The following ANKRD11 variants were observed in gnomAD, a reference collection of about 807,000 sequenced individuals.
ANKRD11 encodes the protein ankyrin repeat domain-containing protein 11.
ANKRD11 carries 17 observed loss-of-function variants against 195.7 expected under a neutral mutation model. The observed-to-expected ratio is 0.09, with a 90% CI of 0.06 to 0.13. ANKRD11 has a LOEUF of 0.13. ANKRD11 is among the 10% of genes least tolerant of loss of function. ANKRD11 has a pLI of 1.00. For synonymous variants in ANKRD11, 1,953 were observed against 1,528.1 expected (o/e 1.28, Z -6.49); for missense variants, 3,735 against 3,566.1 (o/e 1.05, Z -1.21).
At chr16:89,462,152 G>A (rs2056699774) in intron 1 of ANKRD11, among the ~76,000 whole-genome samples, 1 of 150,126 alleles carries the variant, frequency 6.7e-6, no homozygotes. Context: ...CTGTACTGCT[G>A]CCATCTCGGC....
At position 89,408,953 on chromosome 16, in the gene ANKRD11, C is replaced by T. The variant is rs528554726; in HGVS notation, c.-60+9331G>A. On this transcript the variant is annotated intron_variant, in intron 2 of 12. Transcript: ENST00000301030. ...CAAGTGAACAGGCCGCTGTGGAGTG[C>T]GGTTTCTAAAAGTAGGAGGAATACA... 8.5e-5 allele frequency among the ~76,000 whole-genome samples: 13 copies of T among 152,300 alleles called. No homozygotes were observed. The South Asian group carries it at 2.1e-3, about 24-fold the overall frequency.
At chr16:89,385,450 C>A (rs547632148) in intron 2 of ANKRD11, among the ~76,000 whole-genome samples, 2 of 152,214 alleles carry the variant, frequency 1.3e-5, no homozygotes, top group Admixed American at 1.3e-4. Flanking sequence ...TTTTCTATGG[C>A]AGAGCAGACT....
At chr16:89,310,079 C>T (rs567736653) in intron 3 of ANKRD11, among the ~76,000 whole-genome samples, 1 of 152,354 alleles carries the variant, frequency 6.6e-6, no homozygotes, top group African/African-American at 2.4e-5. Context: ...TTGACACCCT[C>T]CCCCTGGAGC....
intron 1 of ANKRD11, among the ~76,000 whole-genome samples, chr16:89,428,219 T>C (rs911649429): frequency 6.6e-5 from 10 of 151,044 alleles, no homozygotes; most frequent in African/African-American, 1.5e-4. Context: ...AAAAAATAGA[T>C]TAATTAATTA....
rs146717209 is a variant in ANKRD11 at position 89,454,285 on chromosome 16, CAG to C, written c.-144-35919_-144-35918del. Among the ~76,000 whole-genome samples, 289 of 152,244 alleles carry C rather than the reference CAG, an allele frequency of 1.9e-3. 1 individual carries two copies. Among genetic ancestry groups the C allele is most frequent in the African/African-American group, 6.4e-3 (267 of 41,534 alleles). ...AACTTCTGCAGGCTTGCCTGGGACA[CAG>C]GGGCAGATAAGGAGAGCACCTGAGG... On this transcript the variant is annotated intron_variant, in intron 1 of 12. Transcript: ENST00000301030.
At chr16:89,350,256 T>C (rs1055510503) in intron 2 of ANKRD11, among the ~76,000 whole-genome samples, 16 of 152,154 alleles carry the variant, frequency 1.1e-4, no homozygotes, top group African/African-American at 3.9e-4. Flanking sequence ...GTGGTCACTT[T>C]GGAAAAGAGT....
intron 9 of ANKRD11, chr16:89,278,753 G>A (rs1567550926): frequency 5.4e-6 from 3 of 553,608 alleles, no homozygotes; most frequent in South Asian, 3.1e-5. Context: ...GACGGGGAGT[G>A]GAGAGGGGAG....
chr16:89,469,834 G>GAGC (rs201911062), intron 1 of ANKRD11, among the ~76,000 whole-genome samples: 3 of 150,534 alleles, frequency 2.0e-5, no homozygotes, highest in Non-Finnish European at 3.0e-5. Context: ...GGGAGCGGCA[G>GAGC]TTGCAGGGAG....
chr16:89,439,049 A>C (rs1217826400), intron 1 of ANKRD11, among the ~76,000 whole-genome samples: 1 of 151,650 alleles, frequency 6.6e-6, no homozygotes, highest in Non-Finnish European at 1.5e-5. Flanking sequence ...AAAAAAAACA[A>C]AACCAAAAAA....
chr16:89,276,507 G>A (rs1001180587), intron 9 of ANKRD11, among the ~76,000 whole-genome samples: 3 of 152,184 alleles, frequency 2.0e-5, no homozygotes, highest in Non-Finnish European at 4.4e-5. Context: ...CCCGCCTCAC[G>A]CCTATAGGCT....
chr16:89,311,084 A>T (rs1326061437), intron 3 of ANKRD11, among the ~76,000 whole-genome samples: 1 of 152,214 alleles, frequency 6.6e-6, no homozygotes, highest in Non-Finnish European at 1.5e-5. Flanking sequence ...TAGTTTGCAG[A>T]ATTTTTTTTA....
At chr16:89,312,786 C>T (rs562771461) in intron 3 of ANKRD11, among the ~76,000 whole-genome samples, 17 of 152,292 alleles carry the variant, frequency 1.1e-4, no homozygotes, top group East Asian at 7.7e-4. Context: ...CAGACTGGCT[C>T]GTGAAACCAC....
chr16:89,300,897 G>C, intron 4 of ANKRD11: 2 of 701,954 alleles, frequency 2.8e-6, no homozygotes, highest in Middle Eastern at 2.3e-4. Context: ...AGGCAGCTTC[G>C]GCCCATGGCG....
intron 11 of ANKRD11, chr16:89,271,963 A>G (rs1348147779): frequency 6.6e-6 from 1 of 152,200 alleles, no homozygotes; most frequent in Non-Finnish European, 1.5e-5. Flanking sequence ...AGACACGCAC[A>G]GAATGGGAGG....
chr16:89,402,487 C>T (rs1011931410), intron 2 of ANKRD11, among the ~76,000 whole-genome samples: 1 of 151,954 alleles, frequency 6.6e-6, no homozygotes, highest in African/African-American at 2.4e-5. Flanking sequence ...CAAGAGCATC[C>T]TGGGAATGAC....
At position 89,431,047 on chromosome 16, in the gene ANKRD11, T is replaced by C. The variant is rs148421864; in HGVS notation, c.-144-12679A>G. ...CAAGGCGCTGCTGACTCAACCCTGCTTCCAGAAGCCTAGGGTTAACATCTG... is the reference window on the plus strand; with the variant it reads ...CAAGGCGCTGCTGACTCAACCCTGCCTCCAGAAGCCTAGGGTTAACATCTG... On this transcript the variant is annotated intron_variant, in intron 1 of 12. Coordinates refer to ENST00000301030, the MANE Select transcript of ANKRD11 (RefSeq NM_013275.6). Among the ~76,000 whole-genome samples the C allele has an allele frequency of 4.6e-3, 698 of 152,230 alleles. 6 individuals are homozygous for C. The highest frequency in any genetic ancestry group is 0.016 in the African/African-American group (644 of 41,532).
rs1350510474 is a variant in ANKRD11, at chr16:89,275,158, T to C, written c.7504A>G (p.Lys2502Glu). ...APPPSLAEPL[K>E]ELFRQQEAVR... is the part of the protein sequence containing the mutation. Reference sequence around the variant, plus strand: ...GCCTCCTGCTGCCTGAACAGCTCCTTCAGGGGCTCCGCCAGGGAGGGAGGG... The same window carrying C: ...GCCTCCTGCTGCCTGAACAGCTCCTCCAGGGGCTCCGCCAGGGAGGGAGGG... Residue 2502 changes from lysine (K) to glutamate (E), a missense_variant, in exon 10 of 13, where the codon AAG (lysine) becomes GAG (glutamate). By Grantham distance (56) the Lys-to-Glu change is moderately conservative. Coordinates refer to ENST00000301030, the MANE Select transcript of ANKRD11 (RefSeq NM_013275.6). 6.2e-7 allele frequency: 1 copy of C among 1,610,952 alleles called. No homozygotes were observed. The highest frequency in any genetic ancestry group is 8.5e-7 in the Non-Finnish European group (1 of 1,178,974).
At chr16:89,435,774 C>T (rs1248415818) in intron 1 of ANKRD11, among the ~76,000 whole-genome samples, 1 of 150,090 alleles carries the variant, frequency 6.7e-6, no homozygotes, top group East Asian at 2.0e-4. Context: ...GACCAACTGA[C>T]GCACCCACAG....
intron 4 of ANKRD11, among the ~76,000 whole-genome samples, chr16:89,296,652 G>C (rs1665232611): frequency 6.6e-6 from 1 of 152,172 alleles, no homozygotes; most frequent in African/African-American, 2.4e-5. Flanking sequence ...GAGGTCCCTG[G>C]GGCTGACCCC....
Sources: allele counts gnomAD v4.1 joint callset (sites outside exome capture counted in the v4.1 genomes callset), GRCh38; gene constraint gnomAD v4.1.1; transcripts MANE v1.5; gene names NCBI Gene and HGNC (gene_info 2026-07-23, HGNC 2026-07-21).